Variants in KRT73 observed in about 807,000 individuals in gnomAD.
KRT73 encodes keratin 73, also known as keratin, type II cytoskeletal 73.
A neutral mutation model predicts 47.2 loss-of-function variants in KRT73; 44 were observed. The observed-to-expected ratio is 0.93, with a 90% confidence interval of 0.73 to 1.20. The LOEUF (loss-of-function observed/expected upper bound fraction) is 1.20, where lower values mean the gene tolerates loss of function less well. Among genes scored for constraint, KRT73 ranks in the 50% most tolerant of loss-of-function variants. The pLI is 0.00. For synonymous variants in KRT73, 285 were observed against 291.3 expected (o/e 0.98, Z 0.22); for missense variants, 713 against 704.5 (o/e 1.01, Z -0.14).
At chr12:52,629,279 A>T in the KRT73 span, among the ~76,000 whole-genome samples, 1 of 152,146 alleles carries the variant, frequency 6.6e-6, no homozygotes, top group Non-Finnish European at 1.5e-5. Context: ...CATCTCACAC[A>T]GCATTGAGGG....
In KRT73 at chr12:52,616,940, A is replaced by C. The variant is rs931096413; in HGVS notation, c.448-560T>G. Among the ~76,000 whole-genome samples, 3 of 152,166 alleles carry C rather than the reference A, an allele frequency of 2.0e-5. No homozygotes were observed. In the South Asian group the frequency reaches 6.2e-4, roughly 32 times the overall value. ...ATCACAGCATTGTCCCAGCAGCAGA[A>C]CAAGCATTCTCAAGTTGCAACCTAC... On this transcript the variant is annotated intron_variant, in intron 1 of 8. Coordinates refer to ENST00000305748, the MANE Select transcript of KRT73 (RefSeq NM_175068.3).
At chr12:52,616,136 C>G in intron 2 of KRT73, 30 bp downstream of exon 2, 1 of 1,612,704 alleles carries the variant, frequency 6.2e-7, no homozygotes, top group Non-Finnish European at 8.5e-7. Context: ...CCCTGGGAGG[C>G]AGACCAGCCT....
Position 52,613,699 on chromosome 12 carries a change from A to G in KRT73, c.973T>C (p.Tyr325His), listed in dbSNP as rs1940750454. The G allele has an allele frequency of 6.2e-7, 1 of 1,614,158 alleles. No individual in the cohort carries two copies. Among genetic ancestry groups the G allele is most frequent in the African/African-American group, 1.3e-5 (1 of 75,054 alleles). Residue 325 changes from tyrosine (Y) to histidine (H), a missense_variant, in exon 5 of 9, where the codon TAC (tyrosine) becomes CAC (histidine). Coordinates refer to ENST00000305748, the MANE Select transcript of KRT73 (RefSeq NM_175068.3). ...TTTTGCGGCCTCACCTTGGTCTGGT[A>G]CAGGGCCTCGGCCTCGGCCTTGCTC... ...RKSKAEAEALYQTKFQELQLA... is the reference protein window; with the variant it reads ...RKSKAEAEALHQTKFQELQLA...
rs761631185 is a variant in KRT73, at chr12:52,618,424, G to A, written c.101C>T (p.Ala34Val). The A allele has an allele frequency of 2.3e-5, 37 of 1,614,020 alleles. No individual in the cohort carries two copies. Among genetic ancestry groups the A allele is most frequent in the Non-Finnish European group, 3.4e-6 (4 of 1,180,036 alleles). The change falls in exon 1 of 9, where the codon GCA (alanine) becomes GTA (valine). Residue 34 changes from alanine (A) to valine (V), a missense_variant. Physicochemically the swap from Ala to Val is moderately conservative, Grantham distance 64. Coordinates refer to ENST00000305748, the MANE Select transcript of KRT73 (RefSeq NM_175068.3). ...LSGGSSSSYRAGGKGLSGGFS... is the reference protein window; with the variant it reads ...LSGGSSSSYRVGGKGLSGGFS... ...GCCTCCACTGAGCCCTTTGCCCCCT[G>A]CTCGGTAGGAGGATGAGCTGCCCCC...
Position 52,615,273 on chromosome 12 carries a change from C to G in KRT73, c.723+6G>C. ...GGACTGAAGGGAACCCATGCACCCT[C>G]CTCACCTTCTTAAGCACCACAAATT... On this transcript the variant is annotated splice_donor_region_variant and intron_variant, in intron 3 of 8. Coordinates refer to ENST00000305748, the MANE Select transcript of KRT73 (RefSeq NM_175068.3). 6.2e-7 allele frequency: 1 copy of G among 1,612,676 alleles called. No individual in the cohort carries two copies. The highest frequency in any genetic ancestry group is 2.2e-5 in the East Asian group (1 of 44,628).
At chr12:52,610,874 C>T in intron 6 of KRT73, 39 bp from the exon 7 acceptor site, 1 of 1,524,838 alleles carries the variant, frequency 6.6e-7, no homozygotes, top group Non-Finnish European at 9.0e-7. Flanking sequence ...GAGTTCCTCC[C>T]TGGGCCTCGC....
chr12:52,630,422 C>T, the KRT73 span, among the ~76,000 whole-genome samples: 1 of 152,154 alleles, frequency 6.6e-6, no homozygotes. Flanking sequence ...TTGTCCTGGG[C>T]ATCTCCGATG....
chr12:52,610,944 G>T, intron 6 of KRT73, 109 bp from the exon 7 acceptor site: 5 of 1,043,848 alleles, frequency 4.8e-6, no homozygotes, highest in Non-Finnish European at 6.9e-6. Flanking sequence ...ATGTCCTGGA[G>T]CAGAGACCCA....
chr12:52,611,468 C>G (rs1382478040), intron 5 of KRT73, 139 bp from the exon 6 acceptor site: 22 of 961,680 alleles, frequency 2.3e-5, no homozygotes, highest in Non-Finnish European at 2.3e-5. Flanking sequence ...TATCAGCAGC[C>G]TCCCATTAAA....
At chr12:52,627,784 TAGAG>T in the KRT73 span, among the ~76,000 whole-genome samples, 1 of 152,120 alleles carries the variant, frequency 6.6e-6, no homozygotes, top group Non-Finnish European at 1.5e-5. Context: ...GTTTTCCTAA[TAGAG>T]AGAGGAAACA....
Position 52,608,131 on chromosome 12 carries a change from T to C in KRT73, c.*65A>G. On this transcript the variant is annotated 3_prime_UTR_variant, in exon 9 of 9. Coordinates refer to ENST00000305748, the MANE Select transcript of KRT73 (RefSeq NM_175068.3). Reference sequence around the variant, plus strand: ...GGACAAATGAGACAGAGGAATTTCCTAGAAGAGTCCGGAGCAGTCTGCCAG... The same window carrying C: ...GGACAAATGAGACAGAGGAATTTCCCAGAAGAGTCCGGAGCAGTCTGCCAG... 6.6e-7 allele frequency: 1 copy of C among 1,519,644 alleles called. No individual in the cohort carries two copies. The highest frequency in any genetic ancestry group is 8.9e-7 in the Non-Finnish European group (1 of 1,125,518). The allele number at this position is 1,519,644 out of a possible 1,614,324, so 94.1% of individuals were successfully genotyped here.
At position 52,618,447 on chromosome 12, in the gene KRT73, C is replaced by T. The variant is rs757608011; in HGVS notation, c.78G>A (p.Gly26=). 4 of 1,613,902 alleles carry T rather than the reference C, an allele frequency of 2.5e-6. No individual in the cohort carries two copies. In the African/African-American group the frequency reaches 4.0e-5, roughly 16 times the overall value. ...GFSGCSAVLS[G]GSSSSYRAGG... ...CTGCTCGGTAGGAGGATGAGCTGCC[C>T]CCTGAGAGCACAGCGGAGCAGCCGC... The change falls in exon 1 of 9, where the codon GGG becomes GGA. Residue 26 remains glycine (G), a synonymous_variant. Coordinates refer to ENST00000305748, the MANE Select transcript of KRT73 (RefSeq NM_175068.3).
intron 1 of KRT73, among the ~76,000 whole-genome samples, chr12:52,617,229 T>G (rs1940832858): frequency 1.3e-5 from 2 of 152,156 alleles, no homozygotes; most frequent in African/African-American, 4.8e-5. Context: ...TCACTGTCGC[T>G]CCGGGTGAGC....
chr12:52,615,685 C>T (rs1275442191), intron 2 of KRT73, among the ~76,000 whole-genome samples: 1 of 152,130 alleles, frequency 6.6e-6, no homozygotes, highest in Non-Finnish European at 1.5e-5. Flanking sequence ...GACAACCTAC[C>T]AACAACTCCC....
chr12:52,618,497 C>A lies in KRT73; in HGVS notation c.28G>T (p.Gly10Ter). MSRQFTYKS[G>*]AAAKGGFSGC... Reference sequence around the variant, plus strand: ...CTGAAGCCCCCCTTGGCAGCAGCTCCCGACTTGTAGGTGAATTGGCGGCTC... The same window carrying A: ...CTGAAGCCCCCCTTGGCAGCAGCTCACGACTTGTAGGTGAATTGGCGGCTC... The change falls in exon 1 of 9, where the codon GGA (glycine) becomes TGA (stop). Residue 10 changes from glycine to a stop codon, truncating the protein, a stop_gained. Transcript: ENST00000305748. LOFTEE classifies it high-confidence loss of function. The A allele has an allele frequency of 6.2e-7, 1 of 1,607,866 alleles. No individual in the cohort carries two copies. The highest frequency in any genetic ancestry group is 8.5e-7 in the Non-Finnish European group (1 of 1,176,636).
At chr12:52,626,459 T>C in the KRT73 span, among the ~76,000 whole-genome samples, 1 of 151,004 alleles carries the variant, frequency 6.6e-6, no homozygotes, top group Admixed American at 6.6e-5. Flanking sequence ...AACTTCCTCA[T>C]ATTGTTTTCA....
At chr12:52,619,079 C>G (rs1426894017), upstream of KRT73, among the ~76,000 whole-genome samples, 3 of 152,232 alleles carry the variant, frequency 2.0e-5, no homozygotes, top group Non-Finnish European at 2.9e-5. Flanking sequence ...GAGGAGCACA[C>G]TGGGAATCCA....
At chr12:52,608,872 GCTT>G (rs1940638777) in intron 8 of KRT73, among the ~76,000 whole-genome samples, 17 of 152,342 alleles carry the variant, frequency 1.1e-4, no homozygotes, top group Middle Eastern at 6.8e-3. Flanking sequence ...CATTAAACTG[GCTT>G]GCACAGTGGT....
At chr12:52,621,298 G>T (rs905908943), upstream of KRT73, among the ~76,000 whole-genome samples, 27 of 146,390 alleles carry the variant, frequency 1.8e-4, 1 homozygote, top group Admixed American at 5.4e-4. Flanking sequence ...AAAGGGGGGG[G>T]GGGGGAGAGA....
Sources: allele counts gnomAD v4.1 joint callset (sites outside exome capture counted in the v4.1 genomes callset), GRCh38; gene constraint gnomAD v4.1.1; transcripts MANE v1.5; gene names NCBI Gene and HGNC (gene_info 2026-07-23, HGNC 2026-07-21).